The following COL4A6 variants were observed in gnomAD, a reference collection of about 807,000 sequenced individuals.
The protein encoded by COL4A6 is collagen alpha-6(IV) chain.
COL4A6 carries 59 observed loss-of-function variants against 126.7 expected under a neutral mutation model. The ratio of observed to expected loss-of-function variants is 0.47; its 90% CI spans 0.38 to 0.58. COL4A6 has a LOEUF of 0.58. COL4A6 is among the 20% of genes least tolerant of loss of function. The probability of loss-of-function intolerance (pLI) is 0.00; values close to 1 mark genes in which losing one functional copy is unlikely to be tolerated. For missense variants in COL4A6, 1,285 were observed against 1,337.3 expected, an observed-to-expected ratio of 0.96 and a Z score of 0.61; for synonymous variants, 547 against 496.6, an observed-to-expected ratio of 1.10 and a Z score of -1.35.
chrX:108,290,282 G>A (rs1285610556), intron 3 of COL4A6, among the ~76,000 whole-genome samples: 2 of 112,017 alleles, frequency 1.8e-5, no homozygotes, highest in Admixed American at 9.5e-5. Context: ...CTACTGAGTG[G>A]AATTTAATGA....
chrX:108,418,870 TTGGTGGTA>T (rs1282675722), intron 2 of COL4A6, among the ~76,000 whole-genome samples: 1 of 112,465 alleles, frequency 8.9e-6, no homozygotes, highest in Non-Finnish European at 1.9e-5. Flanking sequence ...TGGGCAAAGG[TTGGTGGTA>T]CCTGCAGATA....
At chrX:108,196,471 G>A in intron 14 of COL4A6, 40 bp downstream of exon 14, 1 of 1,131,529 alleles carries the variant, frequency 8.8e-7, no homozygotes, top group Non-Finnish European at 1.2e-6. Flanking sequence ...TGGACTAGAT[G>A]ACTTGACAGA....
intron 3 of COL4A6, among the ~76,000 whole-genome samples, chrX:108,300,826 C>T (rs1454724784): frequency 9.1e-6 from 1 of 109,810 alleles, no homozygotes; most frequent in Non-Finnish European, 1.9e-5. Flanking sequence ...CAATATTTAG[C>T]CCCCAGAGTA....
chrX:108,311,321 T>A (rs1418240600), intron 2 of COL4A6, among the ~76,000 whole-genome samples: 1 of 111,805 alleles, frequency 8.9e-6, no homozygotes, highest in African/African-American at 3.3e-5. Flanking sequence ...AATTCACACC[T>A]TACAGTGGCA....
intron 2 of COL4A6, among the ~76,000 whole-genome samples, chrX:108,337,574 A>C (rs2039462382): frequency 8.9e-6 from 1 of 112,868 alleles, no homozygotes; most frequent in Admixed American, 9.3e-5. Context: ...TTTGAATCAA[A>C]ACAGACATGA....
chrX:108,364,419 A>AT lies in COL4A6; in HGVS notation c.64-53592dup, dbSNP rs780117045. ...CATGTTTAATGTGACTTTTGGCTTA[A>AT]TTTTTTTTAATTTTTAATTTTTATT... On this transcript the variant is annotated intron_variant, in intron 2 of 44. Transcript: ENST00000334504. 8.4e-4 allele frequency among the ~76,000 whole-genome samples: 93 copies of AT among 110,368 alleles called. 1 individual carries two copies. The highest frequency in any genetic ancestry group is 3.0e-3 in the African/African-American group (90 of 30,266).
intron 2 of COL4A6, among the ~76,000 whole-genome samples, chrX:108,314,598 C>T (rs2038839367): frequency 8.9e-6 from 1 of 111,863 alleles, no homozygotes; most frequent in African/African-American, 3.2e-5. Context: ...TATTTTACTC[C>T]TTTGTATAAA....
chrX:108,231,401 C>T (rs1438207153), intron 3 of COL4A6, among the ~76,000 whole-genome samples: 2 of 112,414 alleles, frequency 1.8e-5, no homozygotes, highest in East Asian at 5.6e-4. Flanking sequence ...CAAGACTTTG[C>T]ATCCATTTCT....
At chrX:108,209,682 C>T (rs1481189860) in intron 8 of COL4A6, among the ~76,000 whole-genome samples, 3 of 112,106 alleles carry the variant, frequency 2.7e-5, no homozygotes, top group Non-Finnish European at 5.6e-5. Flanking sequence ...TAAGTGCTTG[C>T]TGAAGGAAAG....
chrX:108,356,191 A>C (rs970966927), intron 2 of COL4A6, among the ~76,000 whole-genome samples: 2 of 100,856 alleles, frequency 2.0e-5, no homozygotes, highest in Non-Finnish European at 3.9e-5. Context: ...GAGTGAGAAC[A>C]TGCGGTGTTT....
chrX:108,436,354 T>C (rs1027984501), intron 2 of COL4A6, among the ~76,000 whole-genome samples: 5 of 112,522 alleles, frequency 4.4e-5, no homozygotes, highest in African/African-American at 1.6e-4. Context: ...CTTGAAAGAA[T>C]TGCAAGCATT....
intron 2 of COL4A6, among the ~76,000 whole-genome samples, chrX:108,426,881 C>T (rs2064095863): frequency 9.0e-6 from 1 of 111,597 alleles, no homozygotes; most frequent in Non-Finnish European, 1.9e-5. Context: ...AATTTTTTAA[C>T]CACTTCATAA....
chrX:108,321,920 T>C (rs1391820204), intron 2 of COL4A6, among the ~76,000 whole-genome samples: 1 of 110,965 alleles, frequency 9.0e-6, no homozygotes, highest in Non-Finnish European at 1.9e-5. Flanking sequence ...CATTATCATT[T>C]TACAGATAAA....
chrX:108,280,208 G>A (rs1243007342), intron 3 of COL4A6, among the ~76,000 whole-genome samples: 2 of 111,334 alleles, frequency 1.8e-5, no homozygotes, highest in African/African-American at 3.3e-5. Context: ...TCCAAGAGCT[G>A]GTTTTTTGAA....
intron 9 of COL4A6, 144 bp from the exon 10 acceptor site, chrX:108,205,839 C>T (rs184773068): frequency 2.2e-5 from 11 of 490,981 alleles, no homozygotes; most frequent in Non-Finnish European, 1.7e-5. Context: ...TCCTATGGTT[C>T]CCTTTTATCT....
chrX:108,313,290 A>C (rs1295794762), intron 2 of COL4A6, among the ~76,000 whole-genome samples: 1 of 111,617 alleles, frequency 9.0e-6, no homozygotes, highest in Non-Finnish European at 1.9e-5. Context: ...CCACCTTGGA[A>C]TGCTCTCCCT....
intron 2 of COL4A6, among the ~76,000 whole-genome samples, chrX:108,388,645 G>A (rs953966668): frequency 4.5e-5 from 5 of 110,809 alleles, no homozygotes; most frequent in Admixed American, 9.6e-5. Context: ...TATTTATTTT[G>A]TTGATCTTTT....
At chrX:108,184,934 A>G (rs1245065172) in intron 23 of COL4A6, among the ~76,000 whole-genome samples, 1 of 112,139 alleles carries the variant, frequency 8.9e-6, no homozygotes, top group Non-Finnish European at 1.9e-5. Flanking sequence ...TGTTATTATA[A>G]CTCAGTTTAA....
chrX:108,190,271 G>T, intron 20 of COL4A6, 121 bp downstream of exon 20: 1 of 487,273 alleles, frequency 2.1e-6, no homozygotes, highest in Non-Finnish European at 3.5e-6. Flanking sequence ...TATAATCAAA[G>T]CCCCAAACAA....
Sources: allele counts gnomAD v4.1 joint callset (sites outside exome capture counted in the v4.1 genomes callset), GRCh38; gene constraint gnomAD v4.1.1; transcripts MANE v1.5; gene names NCBI Gene and HGNC (gene_info 2026-07-23, HGNC 2026-07-21).